The following ADGRE2 variants were observed in gnomAD, a reference collection of about 807,000 sequenced individuals.
The protein encoded by ADGRE2 is CD97 antigen.
ADGRE2 carries 83 observed loss-of-function variants against 100.8 expected under a neutral mutation model. The observed-to-expected ratio is 0.82, with a 90% CI of 0.69 to 0.99. The LOEUF (loss-of-function observed/expected upper bound fraction) is 0.99, where lower values mean the gene tolerates loss of function less well. ADGRE2 is among the 50% of genes least tolerant of loss of function. The pLI, the probability that ADGRE2 is intolerant of heterozygous loss-of-function variation, is 0.00. For missense variants in ADGRE2, 814 were observed against 1,035.7 expected (o/e 0.79, Z 2.94); for synonymous variants, 355 against 413.0 (o/e 0.86, Z 1.70).
At position 14,764,584 on chromosome 19, in the gene ADGRE2, C is replaced by A. The variant is rs2043879396; in HGVS notation, c.933G>T (p.Leu311=). Residue 311 remains leucine (L), a synonymous_variant, in exon 11 of 21, where the codon CTG becomes CTT. Transcript: ENST00000315576. Reference sequence around the variant, plus strand: ...TCTCCAGGTCCCCAGGGGCCTCCAGCAGCTCATCCAGCGCCTGTAAGATGC... The same window carrying A: ...TCTCCAGGTCCCCAGGGGCCTCCAGAAGCTCATCCAGCGCCTGTAAGATGC... The part of the protein sequence containing the change: ...IQSILQALDE[L]LEAPGDLETL... 6.2e-7 allele frequency: 1 copy of A among 1,612,448 alleles called. No individual in the cohort carries two copies. Among genetic ancestry groups the A allele is most frequent in the African/African-American group, 1.3e-5 (1 of 75,056 alleles).
intron 5 of ADGRE2, among the ~76,000 whole-genome samples, chr19:14,769,572 G>T (rs1480200510): frequency 6.6e-6 from 1 of 152,206 alleles, no homozygotes; most frequent in East Asian, 1.9e-4. Context: ...AGGCTGTTCT[G>T]TGCGGATGGG....
In ADGRE2 at chr19:14,755,792, C is replaced by T. The variant is rs201760624; in HGVS notation, c.1278G>A (p.Gln426=). The T allele has an allele frequency of 4.3e-6, 7 of 1,614,018 alleles. No homozygotes were observed. Among genetic ancestry groups the T allele is most frequent in the Non-Finnish European group, 5.1e-6 (6 of 1,179,966 alleles). The change falls in exon 13 of 21, where the codon CAG becomes CAA. Residue 426 remains glutamine, a synonymous_variant. Transcript: ENST00000315576. ...CCTGGTGTGTCTCATGCAGAAGCAT[C>T]TGCTTCTCAGGTTCCAGGACCAGAG... ...EAPLVLEPEK[Q]MLLHETHQGL...
intron 5 of ADGRE2, among the ~76,000 whole-genome samples, chr19:14,771,539 T>C (rs1054693877): frequency 2.0e-5 from 3 of 152,146 alleles, no homozygotes; most frequent in Non-Finnish European, 4.4e-5. Flanking sequence ...TGTGTCGAAA[T>C]AGATTTCTTC....
chr19:14,731,794 A>G (rs942948735), downstream of ADGRE2: 1 of 152,208 alleles, frequency 6.6e-6, no homozygotes, highest in Non-Finnish European at 1.5e-5. Context: ...CTTACTTAAT[A>G]TTCAAACACA....
chr19:14,729,107 G>A (rs546088352), downstream of ADGRE2, among the ~76,000 whole-genome samples: 6 of 152,258 alleles, frequency 3.9e-5, no homozygotes, highest in Admixed American at 1.3e-4. Flanking sequence ...GATTAGTGCC[G>A]ACGGGAAGGC....
intron 5 of ADGRE2, among the ~76,000 whole-genome samples, chr19:14,769,573 T>C (rs1251724436): frequency 6.6e-6 from 1 of 152,184 alleles, no homozygotes; most frequent in African/African-American, 2.4e-5. Context: ...GGCTGTTCTG[T>C]GCGGATGGGG....
chr19:14,748,283 A>G (rs1257630837), intron 16 of ADGRE2, among the ~76,000 whole-genome samples: 3 of 150,962 alleles, frequency 2.0e-5, no homozygotes, highest in Non-Finnish European at 4.4e-5. Context: ...CTCCAGCTCC[A>G]TCCATATTGC....
rs2042681855 is a variant in ADGRE2, at chr19:14,732,573, AGTGAGT to A, written c.*3657_*3662del. On this transcript the variant is annotated 3_prime_UTR_variant, in exon 21 of 21. Transcript: ENST00000315576. ...ACATCATGGTCTGGAAACTATGGGC[AGTGAGT>A]CAAATCTGACCCACCATCTGTTTCT... 1 of 152,236 alleles carries A rather than the reference AGTGAGT, an allele frequency of 6.6e-6. No homozygotes were observed. The allele number at this position is 152,236 out of a possible 1,614,324, so 9.4% of individuals were successfully genotyped here. A position where few individuals can be genotyped will look rare whatever the true frequency, so the allele number is the denominator to read the frequency against.
At position 14,741,736 on chromosome 19, in the gene ADGRE2, C is replaced by T. The variant is rs576111966; in HGVS notation, c.2463+1684G>A. ...TCCTGACTTTGTGATCCACCTGCCT[C>T]GGCCTCCCAAAGTGCTGGGATTACA... is the stretch of plus-strand genomic sequence containing the variant. On this transcript the variant is annotated intron_variant, in intron 20 of 20. Coordinates refer to ENST00000315576, the MANE Select transcript of ADGRE2 (RefSeq NM_013447.4). 9.7e-4 allele frequency: 238 copies of T among 245,354 alleles called. 1 individual carries two copies. Among genetic ancestry groups the T allele is most frequent in the African/African-American group, 5.1e-3 (224 of 44,134 alleles). The allele number at this position is 245,354 out of a possible 1,614,324, so 15.2% of individuals were successfully genotyped here. A position where few individuals can be genotyped will look rare whatever the true frequency, so the allele number is the denominator to read the frequency against.
Position 14,755,655 on chromosome 19 carries a change from C to G in ADGRE2, c.1415G>C (p.Arg472Pro), listed in dbSNP as rs142367407. 3 of 1,613,502 alleles carry G rather than the reference C, an allele frequency of 1.9e-6. No individual in the cohort carries two copies. In the African/African-American group the frequency reaches 4.0e-5, roughly 22 times the overall value. Residue 472 changes from arginine to proline, a missense_variant and splice_region_variant, in exon 13 of 21, where the codon CGT becomes CCT. Arg to Pro is a moderately radical substitution (Grantham distance 103). Transcript: ENST00000315576. ...SSPVTFTFSH[R>P]SVIPRQKVLC... ...CCAACCAACTCCACCAGCACTCACA[C>G]GGTGGGAGAAGGTGAAGGTAACTGG...
chr19:14,769,966 A>G (rs373194100), intron 5 of ADGRE2, among the ~76,000 whole-genome samples: 45 of 152,262 alleles, frequency 3.0e-4, no homozygotes, highest in Middle Eastern at 3.4e-3. Flanking sequence ...CCAAAGTGCT[A>G]GGATTACAGG....
rs369899556 is a variant in ADGRE2, at chr19:14,771,621, C to CTTATTTATTTATTTATTTAT, written c.355+701_355+720dup. On this transcript the variant is annotated intron_variant, in intron 5 of 20. Coordinates refer to ENST00000315576, the MANE Select transcript of ADGRE2 (RefSeq NM_013447.4). ...AACAACTCCTAAAAGGCATCCATTG[C>CTTATTTATTTATTTATTTAT]TTATTTATTTATTTATTTATTTATT... 6.0e-3 allele frequency among the ~76,000 whole-genome samples: 862 copies of CTTATTTATTTATTTATTTAT among 143,582 alleles called. 15 individuals carry two copies. The highest frequency in any genetic ancestry group is 0.023 in the East Asian group (113 of 4,836). 94.2% of individuals were successfully genotyped at this position (143,582 alleles called of 152,430 possible). A position where few individuals can be genotyped will look rare whatever the true frequency, so the allele number is the denominator to read the frequency against.
intron 20 of ADGRE2, among the ~76,000 whole-genome samples, chr19:14,737,184 C>CTT (rs112890797): frequency 2.1e-5 from 3 of 141,764 alleles, no homozygotes; most frequent in African/African-American, 2.6e-5. Context: ...TTTAAGAAGT[C>CTT]TTTTTTTTTT....
chr19:14,776,990 A>G, intron 1 of ADGRE2, 63 bp from the exon 2 acceptor site: 5 of 1,354,206 alleles, frequency 3.7e-6, no homozygotes, highest in Non-Finnish European at 4.8e-6. Flanking sequence ...ACACACACAC[A>G]CACACACACA....
At chr19:14,727,320 G>GCA in the ADGRE2 span, among the ~76,000 whole-genome samples, 2 of 152,080 alleles carry the variant, frequency 1.3e-5, no homozygotes, top group Non-Finnish European at 2.9e-5. Flanking sequence ...GAGCCACCAA[G>GCA]CCCGGCCCAA....
chr19:14,738,087 G>T (rs2042812126), intron 20 of ADGRE2, among the ~76,000 whole-genome samples: 1 of 151,796 alleles, frequency 6.6e-6, no homozygotes, highest in Admixed American at 6.6e-5. Flanking sequence ...TTAGTACAAA[G>T]AAAAGATAAG....
chr19:14,738,387 T>A (rs2042821842), intron 20 of ADGRE2, among the ~76,000 whole-genome samples: 1 of 152,152 alleles, frequency 6.6e-6, no homozygotes, highest in Non-Finnish European at 1.5e-5. Context: ...AATTCCTTTT[T>A]TTTCCCCTGA....
At chr19:14,752,165 T>A (rs2043317857) in intron 15 of ADGRE2, among the ~76,000 whole-genome samples, 164 bp downstream of exon 15, 1 of 151,936 alleles carries the variant, frequency 6.6e-6, no homozygotes, top group Admixed American at 6.6e-5. Flanking sequence ...ACTCCCGACC[T>A]GAGGTGATCC....
At chr19:14,746,375 C>CTTTTTTTTTTTTTTT (rs34368264) in intron 17 of ADGRE2, 52 bp from the exon 18 acceptor site, 1 of 681,474 alleles carries the variant, frequency 1.5e-6, no homozygotes. Context: ...CCTGTTATCT[C>CTTTTTTTTTTTTTTT]TTTTTTTTTT....
Sources: allele counts gnomAD v4.1 joint callset (sites outside exome capture counted in the v4.1 genomes callset), GRCh38; gene constraint gnomAD v4.1.1; transcripts MANE v1.5; gene names NCBI Gene and HGNC (gene_info 2026-07-23, HGNC 2026-07-21).